FBLN7: variants seen among roughly 807,000 people sequenced by gnomAD.
The protein encoded by FBLN7 is fibulin-7.
In FBLN7, 31 loss-of-function variants were observed where a neutral mutation model predicts 44.0. The observed-to-expected ratio is 0.70, with a 90% CI of 0.53 to 0.95. The LOEUF (loss-of-function observed/expected upper bound fraction) is 0.95, where lower values mean the gene tolerates loss of function less well. Among genes scored for constraint, FBLN7 ranks in the 40% least tolerant of loss-of-function variants. The probability of loss-of-function intolerance (pLI) is 0.00; values close to 1 mark genes in which losing one functional copy is unlikely to be tolerated. For synonymous variants in FBLN7, 262 were observed against 253.4 expected, an observed-to-expected ratio of 1.03 and a Z score of -0.32; for missense variants, 573 against 618.5, an observed-to-expected ratio of 0.93 and a Z score of 0.78.
chr2:112,180,320 A>G (rs1219382665), intron 4 of FBLN7, among the ~76,000 whole-genome samples: 1 of 152,206 alleles, frequency 6.6e-6, no homozygotes, highest in Non-Finnish European at 1.5e-5. Flanking sequence ...CAGAATGGCT[A>G]TTATTAAAAA....
intron 3 of FBLN7, among the ~76,000 whole-genome samples, chr2:112,169,267 C>T (rs895133118): frequency 1.3e-4 from 20 of 151,950 alleles, no homozygotes; most frequent in African/African-American, 4.4e-4. Context: ...AGCAAGACTC[C>T]GTCTCGGGAG....
At chr2:112,198,238 A>G in the FBLN7 span, among the ~76,000 whole-genome samples, 18,882 of 152,150 alleles carry the variant, frequency 0.12, 1,309 homozygotes, top group South Asian at 0.15. Flanking sequence ...AAATTAATAC[A>G]TTGAAACCTC....
chr2:112,175,242 G>A (rs1368315537), intron 3 of FBLN7, among the ~76,000 whole-genome samples: 2 of 152,168 alleles, frequency 1.3e-5, no homozygotes, highest in Non-Finnish European at 2.9e-5. Context: ...CTTTATAACT[G>A]CACTGAATTT....
the FBLN7 span, among the ~76,000 whole-genome samples, chr2:112,231,104 T>C: frequency 2.6e-5 from 4 of 152,118 alleles, no homozygotes; most frequent in Admixed American, 6.5e-5. Context: ...GAAAAACTTA[T>C]TTCATATATA....
chr2:112,185,160 G>A (rs771207695), intron 6 of FBLN7, 41 bp from the exon 7 acceptor site: 12 of 1,591,326 alleles, frequency 7.5e-6, no homozygotes, highest in South Asian at 2.2e-5. Context: ...ATGGAGGGAA[G>A]GTCAGGGCGA....
At chr2:112,213,332 A>G in the FBLN7 span, 1 of 152,060 alleles carries the variant, frequency 6.6e-6, no homozygotes, top group Non-Finnish European at 1.5e-5. Context: ...TCAGTGAACT[A>G]AGACAATTAT....
At chr2:112,171,411 A>T (rs1682452729) in intron 3 of FBLN7, among the ~76,000 whole-genome samples, 1 of 151,872 alleles carries the variant, frequency 6.6e-6, no homozygotes. Flanking sequence ...GTGGTGCTGG[A>T]TGGAGTTTTG....
rs776788549 is a variant in FBLN7 at position 112,159,651 on chromosome 2, T to C, written c.76-25T>C. On this transcript the variant is annotated intron_variant, in intron 1 of 7. Coordinates refer to ENST00000331203, the MANE Select transcript of FBLN7 (RefSeq NM_153214.3). ...GGACTGAGTCAGTCTCAATGGGTGGTGGCGGCGATGTCTTCTCTCCGCAGA... is the reference window on the plus strand; with the variant it reads ...GGACTGAGTCAGTCTCAATGGGTGGCGGCGGCGATGTCTTCTCTCCGCAGA... 11 of 1,490,078 alleles carry C rather than the reference T, an allele frequency of 7.4e-6. No individual in the cohort carries two copies. In the South Asian group the frequency reaches 1.2e-4, roughly 16 times the overall value. The allele number at this position is 1,490,078 out of a possible 1,614,324, so 92.3% of individuals were successfully genotyped here. A position where few individuals can be genotyped will look rare whatever the true frequency, so the allele number is the denominator to read the frequency against.
intron 1 of FBLN7, among the ~76,000 whole-genome samples, chr2:112,143,237 C>G (rs988106652): frequency 6.6e-6 from 1 of 152,172 alleles, no homozygotes; most frequent in Non-Finnish European, 1.5e-5. Flanking sequence ...CTGTGCCCAC[C>G]CTGTGGCCTT....
the FBLN7 span, among the ~76,000 whole-genome samples, chr2:112,221,404 C>T: frequency 1.3e-5 from 2 of 152,156 alleles, no homozygotes; most frequent in African/African-American, 4.8e-5. Flanking sequence ...CACCTTCTGC[C>T]ATGTCTGTAA....
chr2:112,206,316 A>G, the FBLN7 span, among the ~76,000 whole-genome samples: 1 of 152,130 alleles, frequency 6.6e-6, no homozygotes, highest in Non-Finnish European at 1.5e-5. Context: ...CTTTACAAAG[A>G]ACTTGGTTTA....
At chr2:112,151,399 C>T (rs1681152949) in intron 1 of FBLN7, 1 of 152,180 alleles carries the variant, frequency 6.6e-6, no homozygotes, top group South Asian at 2.1e-4. Flanking sequence ...AAATTATCCT[C>T]TCCTGTACCA....
intron 1 of FBLN7, among the ~76,000 whole-genome samples, chr2:112,148,473 G>C (rs190432199): frequency 1.3e-5 from 2 of 152,326 alleles, no homozygotes; most frequent in Admixed American, 6.5e-5. Context: ...GCCTACAATG[G>C]CCCAGGCACT....
chr2:112,159,934 TC>T, intron 2 of FBLN7, 99 bp downstream of exon 2: 1 of 1,011,774 alleles, frequency 9.9e-7, no homozygotes, highest in Non-Finnish European at 1.3e-6. Context: ...CCCTCACCCT[TC>T]CCCCATCACC....
At chr2:112,242,208 G>A in the FBLN7 span, among the ~76,000 whole-genome samples, 1 of 152,200 alleles carries the variant, frequency 6.6e-6, no homozygotes, top group African/African-American at 2.4e-5. Context: ...AATCCGCTCT[G>A]CCACCTGTGT....
intron 1 of FBLN7, among the ~76,000 whole-genome samples, chr2:112,146,149 C>T (rs1255477906): frequency 6.6e-6 from 1 of 152,160 alleles, no homozygotes; most frequent in South Asian, 2.1e-4. Flanking sequence ...GGTGAAACCC[C>T]GTCTGTACTA....
In FBLN7 at chr2:112,138,554, C is replaced by A; in HGVS notation, c.-102C>A. 2.0e-6 allele frequency: 3 copies of A among 1,507,236 alleles called. No individual in the cohort carries two copies. Among genetic ancestry groups the A allele is most frequent in the South Asian group, 1.2e-5 (1 of 86,254 alleles). 93.4% of individuals were successfully genotyped at this position (1,507,236 alleles called of 1,614,324 possible). ...CCCCAGCCGCCCCCCGGCCGCGCGGCGCCCCGCACCCTGCAGGGACGGCTG... is the reference window on the plus strand; with the variant it reads ...CCCCAGCCGCCCCCCGGCCGCGCGGAGCCCCGCACCCTGCAGGGACGGCTG... On this transcript the variant is annotated 5_prime_UTR_variant, in exon 1 of 8. Transcript: ENST00000331203.
At chr2:112,173,647 C>T in intron 3 of FBLN7, among the ~76,000 whole-genome samples, 1 of 152,236 alleles carries the variant, frequency 6.6e-6, no homozygotes, top group Admixed American at 6.5e-5. Flanking sequence ...ATGAAACTTA[C>T]TTACGTGAAG....
chr2:112,144,185 T>C (rs1680787111), intron 1 of FBLN7, among the ~76,000 whole-genome samples: 2 of 152,248 alleles, frequency 1.3e-5, no homozygotes, highest in African/African-American at 4.8e-5. Context: ...CTACGCGTGA[T>C]ATTAACATCG....
Sources: gnomAD v4.1 joint callset for allele counts (sites outside exome capture counted in the v4.1 genomes callset) on GRCh38, gnomAD v4.1.1 for gene constraint, MANE v1.5 for transcripts, NCBI Gene and HGNC (gene_info 2026-07-23, HGNC 2026-07-21) for gene names.